Variants in NFIB observed in about 807,000 individuals in gnomAD.
NFIB encodes nuclear factor I B.
Under a neutral mutation model 61.5 loss-of-function variants are expected in NFIB, and 11 were observed. That is an observed-to-expected ratio of 0.18 (90% CI 0.11 to 0.30). The LOEUF (loss-of-function observed/expected upper bound fraction) is 0.30. NFIB is among the 10% of genes least tolerant of loss of function. The pLI, the probability that NFIB is intolerant of heterozygous loss-of-function variation, is 1.00. For missense variants in NFIB, 471 were observed against 608.9 expected, an observed-to-expected ratio of 0.77 and a Z score of 2.38; for synonymous variants, 260 against 216.5, an observed-to-expected ratio of 1.20 and a Z score of -1.76.
chr9:14,295,517 G>A (rs2059382530), intron 2 of NFIB, among the ~76,000 whole-genome samples: 1 of 151,970 alleles, frequency 6.6e-6, no homozygotes, highest in Non-Finnish European at 1.5e-5. Flanking sequence ...TGTAGTCCCA[G>A]CTACTCGGCA....
intron 1 of NFIB, among the ~76,000 whole-genome samples, chr9:14,320,692 A>G (rs1198852519): frequency 2.0e-5 from 3 of 152,212 alleles, no homozygotes; most frequent in Non-Finnish European, 4.4e-5. Flanking sequence ...TCATATACAC[A>G]CATACACCCT....
At chr9:14,468,982 T>C in the NFIB span, among the ~76,000 whole-genome samples, 1 of 152,178 alleles carries the variant, frequency 6.6e-6, no homozygotes, top group Non-Finnish European at 1.5e-5. Flanking sequence ...TGCTCCACAC[T>C]GACATATCCA....
intron 2 of NFIB, chr9:14,300,263 G>GT (rs534320583): frequency 7.5e-5 from 30 of 398,420 alleles, no homozygotes; most frequent in Non-Finnish European, 8.4e-5. Flanking sequence ...GCATGCAGCC[G>GT]TAATAACTCA....
chr9:14,453,618 T>C, the NFIB span, among the ~76,000 whole-genome samples: 6 of 152,334 alleles, frequency 3.9e-5, no homozygotes, highest in African/African-American at 1.4e-4. Context: ...TACTCATTTA[T>C]TTCTTAGTAA....
chr9:14,381,845 C>T (rs1471539580), intron 1 of NFIB, among the ~76,000 whole-genome samples: 1 of 152,234 alleles, frequency 6.6e-6, no homozygotes, highest in East Asian at 1.9e-4. Context: ...CAGCCACTCA[C>T]AAAAATATCG....
At chr9:14,370,550 T>C (rs1352167643) in intron 1 of NFIB, among the ~76,000 whole-genome samples, 2 of 152,226 alleles carry the variant, frequency 1.3e-5, no homozygotes, top group Non-Finnish European at 2.9e-5. Context: ...TTTGTGAACA[T>C]ATCTACTTTA....
the NFIB span, among the ~76,000 whole-genome samples, chr9:14,491,451 G>A: frequency 6.6e-6 from 1 of 152,158 alleles, no homozygotes; most frequent in African/African-American, 2.4e-5. Context: ...TCATGTACCA[G>A]GACAACTACA....
chr9:14,333,661 C>G (rs1006562768), intron 1 of NFIB, among the ~76,000 whole-genome samples: 1 of 152,146 alleles, frequency 6.6e-6, no homozygotes, highest in African/African-American at 2.4e-5. Context: ...GTCTCTCTTC[C>G]TGTGCTTTCG....
At chr9:14,243,973 C>G (rs2054619003) in intron 2 of NFIB, among the ~76,000 whole-genome samples, 1 of 152,182 alleles carries the variant, frequency 6.6e-6, no homozygotes, top group African/African-American at 2.4e-5. Context: ...CTGTAGTTAT[C>G]ACGTGAGAAT....
In NFIB at chr9:14,082,302, G is replaced by T. The variant is rs1359044365; in HGVS notation, c.*6007C>A. 4.9e-6 allele frequency: 1 copy of T among 205,502 alleles called. No individual in the cohort carries two copies. Among genetic ancestry groups the T allele is most frequent in the African/African-American group, 2.3e-5 (1 of 43,756 alleles). 12.7% of individuals were successfully genotyped at this position (205,502 alleles called of 1,614,324 possible). On this transcript the variant is annotated 3_prime_UTR_variant, in exon 11 of 11. Transcript: ENST00000380953. Reference sequence around the variant, plus strand: ...TTTTAAAATGGATCAACCCTGGTGTGTAGCTAGCAAGCAATAACTGACTAC... The same window carrying T: ...TTTTAAAATGGATCAACCCTGGTGTTTAGCTAGCAAGCAATAACTGACTAC...
At chr9:14,339,975 G>A (rs890574788) in intron 1 of NFIB, among the ~76,000 whole-genome samples, 5 of 152,196 alleles carry the variant, frequency 3.3e-5, no homozygotes, top group African/African-American at 4.8e-5. Context: ...GGAATGCACC[G>A]TAAGGCTGGA....
chr9:14,506,850 A>C, the NFIB span, among the ~76,000 whole-genome samples: 1 of 152,156 alleles, frequency 6.6e-6, no homozygotes, highest in Admixed American at 6.6e-5. Flanking sequence ...ATAGGAGAAA[A>C]CATACAGGCT....
At chr9:14,407,620 T>C in the NFIB span, among the ~76,000 whole-genome samples, 1 of 152,180 alleles carries the variant, frequency 6.6e-6, no homozygotes, top group African/African-American at 2.4e-5. Context: ...ATTCAGATAG[T>C]GTGGAATAAA....
chr9:14,180,516 A>G (rs763753729), intron 2 of NFIB: 13 of 152,274 alleles, frequency 8.5e-5, no homozygotes, highest in Non-Finnish European at 1.6e-4. Flanking sequence ...GATGCTACAG[A>G]AAGAAACGTG....
chr9:14,144,433 T>C (rs541633136), intron 6 of NFIB, among the ~76,000 whole-genome samples: 3 of 152,268 alleles, frequency 2.0e-5, no homozygotes, highest in Admixed American at 2.0e-4. Context: ...AGCAATAAAA[T>C]ATAAAGGGTT....
At chr9:14,448,150 C>T in the NFIB span, among the ~76,000 whole-genome samples, 5 of 152,136 alleles carry the variant, frequency 3.3e-5, no homozygotes, top group African/African-American at 1.2e-4. Context: ...ATATGGATCA[C>T]AGAAAAGTGA....
At chr9:14,144,829 T>G (rs2042112143) in intron 6 of NFIB, among the ~76,000 whole-genome samples, 1 of 152,118 alleles carries the variant, frequency 6.6e-6, no homozygotes, top group Non-Finnish European at 1.5e-5. Context: ...TAGCAGAGCA[T>G]TCCAGAGGTC....
intron 2 of NFIB, among the ~76,000 whole-genome samples, chr9:14,262,586 G>A (rs1225232969): frequency 6.6e-6 from 1 of 152,126 alleles, no homozygotes. Flanking sequence ...AAAAGGGTTA[G>A]AATTGAGACA....
chr9:14,116,150 G>C, intron 9 of NFIB, 58 bp downstream of exon 9: 1 of 1,420,188 alleles, frequency 7.0e-7, no homozygotes, highest in Non-Finnish European at 9.3e-7. Context: ...GCCTCTGATG[G>C]ACATTTCTCA....
Sources: allele counts gnomAD v4.1 joint callset (sites outside exome capture counted in the v4.1 genomes callset), GRCh38; gene constraint gnomAD v4.1.1; transcripts MANE v1.5; gene names NCBI Gene and HGNC (gene_info 2026-07-23, HGNC 2026-07-21).